The following HS6ST3 variants were observed in gnomAD, a reference collection of about 807,000 sequenced individuals.
HS6ST3 encodes heparan sulfate 6-O-sulfotransferase 3.
A neutral mutation model predicts 36.7 loss-of-function variants in HS6ST3; 12 were observed. The ratio of observed to expected loss-of-function variants is 0.33; its 90% CI spans 0.21 to 0.53. The LOEUF is 0.53. HS6ST3 is among the 20% of genes least tolerant of loss of function. HS6ST3 has a pLI of 0.95. For synonymous variants in HS6ST3, 240 were observed against 257.5 expected, an observed-to-expected ratio of 0.93 and a Z score of 0.65; for missense variants, 584 against 640.9, an observed-to-expected ratio of 0.91 and a Z score of 0.96.
chr13:96,326,527 A>G (rs1001869207), intron 1 of HS6ST3, among the ~76,000 whole-genome samples: 6 of 152,012 alleles, frequency 3.9e-5, no homozygotes, highest in Non-Finnish European at 7.4e-5. Context: ...TCATGGCTGC[A>G]TAGTATTCTA....
intron 1 of HS6ST3, among the ~76,000 whole-genome samples, chr13:96,553,633 T>C (rs1228299213): frequency 1.3e-5 from 2 of 152,230 alleles, no homozygotes; most frequent in East Asian, 3.8e-4. Context: ...AGGTTGGAAC[T>C]GAAATGTAGC....
chr13:96,371,707 A>C (rs1451075177), intron 1 of HS6ST3, among the ~76,000 whole-genome samples: 4 of 152,168 alleles, frequency 2.6e-5, no homozygotes, highest in Non-Finnish European at 5.9e-5. Context: ...AAGTCAGATC[A>C]TTCAATATTT....
At chr13:96,443,501 G>C (rs1049013162) in intron 1 of HS6ST3, among the ~76,000 whole-genome samples, 1 of 136,416 alleles carries the variant, frequency 7.3e-6, no homozygotes, top group African/African-American at 2.8e-5. Flanking sequence ...CTGCACTCCA[G>C]CCTGGGGGAC....
At chr13:96,488,805 T>G (rs958747431) in intron 1 of HS6ST3, among the ~76,000 whole-genome samples, 2 of 152,240 alleles carry the variant, frequency 1.3e-5, no homozygotes, top group East Asian at 3.9e-4. Flanking sequence ...ACTTCATTGT[T>G]CCATTCCATA....
At chr13:96,132,287 A>G (rs2139312341) in intron 1 of HS6ST3, among the ~76,000 whole-genome samples, 1 of 152,294 alleles carries the variant, frequency 6.6e-6, no homozygotes, top group African/African-American at 2.4e-5. Flanking sequence ...TTTTCAATAT[A>G]TTGATTTCCT....
intron 1 of HS6ST3, among the ~76,000 whole-genome samples, chr13:96,321,008 A>C (rs1485905068): frequency 1.3e-5 from 2 of 151,204 alleles, no homozygotes; most frequent in Non-Finnish European, 2.9e-5. Context: ...AGGAAGCATG[A>C]TTTTCTTGGT....
chr13:96,499,199 T>C (rs2055991993), intron 1 of HS6ST3, among the ~76,000 whole-genome samples: 1 of 152,092 alleles, frequency 6.6e-6, no homozygotes, highest in South Asian at 2.1e-4. Flanking sequence ...CTAATTCTTA[T>C]ATTTTTAGCA....
In HS6ST3 at chr13:96,755,203, G is replaced by A. The variant is rs758426308; in HGVS notation, c.708-77287G>A. ...ATAAGCCATTGTCTTGATTTTGATC[G>A]CCATAAATTAGTTTTATCTATTCAT... On this transcript the variant is annotated intron_variant, in intron 1 of 1. Transcript: ENST00000376705. Among the ~76,000 whole-genome samples, 16 of 151,748 alleles carry A rather than the reference G, an allele frequency of 1.1e-4. No individual in the cohort carries two copies. In the East Asian group the frequency reaches 1.2e-3, roughly 11 times the overall value.
chr13:96,097,242 A>G (rs1434905570), intron 1 of HS6ST3, among the ~76,000 whole-genome samples: 2 of 152,158 alleles, frequency 1.3e-5, no homozygotes, highest in Non-Finnish European at 2.9e-5. Context: ...GAAGTGAGGC[A>G]AATTTAGCTG....
chr13:96,683,732 A>G lies in HS6ST3; in HGVS notation c.708-148758A>G, dbSNP rs561820154. On this transcript the variant is annotated intron_variant, in intron 1 of 1. Coordinates refer to ENST00000376705, the MANE Select transcript of HS6ST3 (RefSeq NM_153456.4). ...GCATTTTTCTGCAGGAGGTAAAAAC[A>G]TTAGTAATGATAATAACAAAACTAA... 9.2e-5 allele frequency among the ~76,000 whole-genome samples: 14 copies of G among 152,254 alleles called. No homozygotes were observed. In the East Asian group the frequency reaches 2.1e-3, roughly 23 times the overall value.
intron 1 of HS6ST3, among the ~76,000 whole-genome samples, chr13:96,559,741 T>C (rs1485397517): frequency 2.0e-5 from 3 of 152,054 alleles, no homozygotes; most frequent in Admixed American, 6.6e-5. Flanking sequence ...TTTTTCTTAA[T>C]GGAGCTGTCC....
chr13:96,380,630 G>A (rs2055336444), intron 1 of HS6ST3, among the ~76,000 whole-genome samples: 1 of 152,094 alleles, frequency 6.6e-6, no homozygotes, highest in Non-Finnish European at 1.5e-5. Context: ...TTATCAGTTT[G>A]TATAAAAACT....
intron 1 of HS6ST3, among the ~76,000 whole-genome samples, chr13:96,122,712 G>A (rs377719105): frequency 1.6e-4 from 24 of 152,292 alleles, no homozygotes; most frequent in African/African-American, 5.8e-4. Context: ...GTTATACAAT[G>A]TTCATATATC....
intron 1 of HS6ST3, among the ~76,000 whole-genome samples, chr13:96,097,866 G>T (rs189053809): frequency 1.6e-4 from 25 of 152,230 alleles, no homozygotes; most frequent in Admixed American, 1.2e-3. Context: ...AATAAATGTC[G>T]GCTTTTAGAT....
intron 1 of HS6ST3, among the ~76,000 whole-genome samples, chr13:96,391,864 T>G (rs2055397497): frequency 6.6e-6 from 1 of 152,294 alleles, no homozygotes; most frequent in Non-Finnish European, 1.5e-5. Context: ...CTGAGATTGT[T>G]TAATCATTTT....
In HS6ST3 at chr13:96,441,023, T is replaced by C. The variant is rs2139480185; in HGVS notation, c.707+349454T>C. Among the ~76,000 whole-genome samples the C allele has an allele frequency of 1.3e-5, 2 of 152,234 alleles. 1 individual carries two copies. The highest frequency in any genetic ancestry group is 4.1e-4 in the South Asian group (2 of 4,820). On this transcript the variant is annotated intron_variant, in intron 1 of 1. Coordinates refer to ENST00000376705, the MANE Select transcript of HS6ST3 (RefSeq NM_153456.4). ...TGATTAGGTCATGAAGGTGGAGCCCTATTGGGATTAGCAGCCTTATAAAAT... is the reference window on the plus strand; with the variant it reads ...TGATTAGGTCATGAAGGTGGAGCCCCATTGGGATTAGCAGCCTTATAAAAT...
At chr13:96,789,575 CT>C (rs1447584011) in intron 1 of HS6ST3, among the ~76,000 whole-genome samples, 2 of 151,630 alleles carry the variant, frequency 1.3e-5, no homozygotes, top group Non-Finnish European at 3.0e-5. Flanking sequence ...ATTTAAATAA[CT>C]TTTTTATTTT....
intron 1 of HS6ST3, among the ~76,000 whole-genome samples, chr13:96,333,200 G>A (rs1341057280): frequency 6.6e-6 from 1 of 152,216 alleles, no homozygotes; most frequent in African/African-American, 2.4e-5. Context: ...CAGGCATGTT[G>A]CTGGTCCTTC....
intron 1 of HS6ST3, among the ~76,000 whole-genome samples, chr13:96,291,518 G>A (rs2054829894): frequency 1.3e-5 from 2 of 152,098 alleles, no homozygotes; most frequent in African/African-American, 2.4e-5. Context: ...ATCTTATTGG[G>A]AATATAAAAT....
Sources: gnomAD v4.1 joint callset for allele counts (sites outside exome capture counted in the v4.1 genomes callset) on GRCh38, gnomAD v4.1.1 for gene constraint, MANE v1.5 for transcripts, NCBI Gene and HGNC (gene_info 2026-07-23, HGNC 2026-07-21) for gene names.